TMOD2: variants seen among roughly 807,000 people sequenced by gnomAD.
The protein encoded by TMOD2 is tropomodulin-2.
In TMOD2, 22 loss-of-function variants were observed where a neutral mutation model predicts 39.9. The observed-to-expected ratio is 0.55, with a 90% confidence interval of 0.39 to 0.79. The LOEUF (loss-of-function observed/expected upper bound fraction) is 0.79, where lower values mean the gene tolerates loss of function less well. Ranked by LOEUF, TMOD2 falls within the 30% of genes least tolerant of loss-of-function variation. TMOD2 has a pLI of 0.00. For synonymous variants in TMOD2, 123 were observed against 146.1 expected (o/e 0.84, Z 1.14); for missense variants, 386 against 413.3 (o/e 0.93, Z 0.57).
rs896043986 is a variant in TMOD2, at chr15:51,811,399, T to G, written c.*2945T>G. ...TAACTTCTCCCCAGGCCTATCTCCC[T>G]CCCCCTTTTAGAGTTGTGCAGGTCC... On this transcript the variant is annotated 3_prime_UTR_variant, in exon 10 of 10. Transcript: ENST00000249700. The G allele has an allele frequency of 1.3e-5, 2 of 152,172 alleles. No homozygotes were observed. Among genetic ancestry groups the G allele is most frequent in the African/African-American group, 4.8e-5 (2 of 41,436 alleles). 9.4% of individuals were successfully genotyped at this position (152,172 alleles called of 1,614,324 possible). A position where few individuals can be genotyped will look rare whatever the true frequency, so the allele number is the denominator to read the frequency against.
Position 51,815,264 on chromosome 15 carries a change from AAAAAT to A in TMOD2, c.*6822_*6826del. 2 of 157,442 alleles carry A rather than the reference AAAAAT, an allele frequency of 1.3e-5. No individual in the cohort carries two copies. The highest frequency in any genetic ancestry group is 2.8e-5 in the Non-Finnish European group (2 of 72,240). 9.8% of individuals were successfully genotyped at this position (157,442 alleles called of 1,614,324 possible). ...GTGACAAGAACGAAACTCCATCTCAAAAAATAAAATAAAATATATACTATCTTGCT... is the reference window on the plus strand; with the variant it reads ...GTGACAAGAACGAAACTCCATCTCAAAAAATAAAATATATACTATCTTGCT... On this transcript the variant is annotated 3_prime_UTR_variant, in exon 10 of 10. Transcript: ENST00000249700.
chr15:51,775,570 C>CTTTTTTT lies in TMOD2; in HGVS notation c.407-1343_407-1337dup, dbSNP rs869308022. Reference sequence around the variant, plus strand: ...GAGACACAGTGACAAATTCTTTTTCCTTTTTTTTTTTTTTTTTTTTTTTTT... The same window carrying CTTTTTTT: ...GAGACACAGTGACAAATTCTTTTTCCTTTTTTTTTTTTTTTTTTTTTTTTTTTTTTTT... On this transcript the variant is annotated intron_variant, in intron 4 of 9. Transcript: ENST00000249700. Among the ~76,000 whole-genome samples, 450 of 81,206 alleles carry CTTTTTTT rather than the reference C, an allele frequency of 5.5e-3. 1 individual carries two copies. Among genetic ancestry groups the CTTTTTTT allele is most frequent in the African/African-American group, 8.5e-3 (164 of 19,224 alleles). 53.3% of individuals were successfully genotyped at this position (81,206 alleles called of 152,430 possible).
At chr15:51,754,891 G>A (rs956538500) in intron 1 of TMOD2, among the ~76,000 whole-genome samples, 1 of 152,186 alleles carries the variant, frequency 6.6e-6, no homozygotes, top group Non-Finnish European at 1.5e-5. Flanking sequence ...AGGGGCTATC[G>A]TTACATGGAA....
intron 1 of TMOD2, among the ~76,000 whole-genome samples, chr15:51,762,668 T>C (rs1003421170): frequency 4.0e-5 from 6 of 151,892 alleles, no homozygotes; most frequent in African/African-American, 1.2e-4. Flanking sequence ...CCCCAAAAGG[T>C]TCCCCATGCC....
At chr15:51,796,636 C>T (rs761387550) in intron 7 of TMOD2, among the ~76,000 whole-genome samples, 1 of 152,168 alleles carries the variant, frequency 6.6e-6, no homozygotes, top group African/African-American at 2.4e-5. Context: ...AAACTAGGCA[C>T]AGTAAGAGAT....
intron 7 of TMOD2, among the ~76,000 whole-genome samples, chr15:51,795,321 G>A (rs1567245352): frequency 6.6e-6 from 1 of 151,918 alleles, no homozygotes; most frequent in Non-Finnish European, 1.5e-5. Context: ...AGCAACTTGG[G>A]AGGCTGGGGC....
rs541216574 is a variant in TMOD2, at chr15:51,757,380, C to T, written c.-70+5668C>T. ...TCGCACCACTGCACTCCAGCCTGGG[C>T]GACACAGCCAGACTCCGTCTCAAAA... On this transcript the variant is annotated intron_variant, in intron 1 of 9. Transcript: ENST00000249700. 2.1e-3 allele frequency among the ~76,000 whole-genome samples: 262 copies of T among 122,438 alleles called. 1 individual carries two copies. The highest frequency in any genetic ancestry group is 1.9e-3 in the Non-Finnish European group (123 of 63,088). 80.3% of individuals were successfully genotyped at this position (122,438 alleles called of 152,430 possible).
At chr15:51,787,690 C>G (rs984083944) in intron 7 of TMOD2, among the ~76,000 whole-genome samples, 1 of 152,174 alleles carries the variant, frequency 6.6e-6, no homozygotes, top group African/African-American at 2.4e-5. Context: ...TCTTCTGCAG[C>G]CTCTGCTGGT....
chr15:51,765,421 A>T (rs906721160), intron 1 of TMOD2, among the ~76,000 whole-genome samples: 1 of 152,210 alleles, frequency 6.6e-6, no homozygotes, highest in African/African-American at 2.4e-5. Context: ...TATCTTGTTT[A>T]TCTTTGTATT....
At chr15:51,773,913 T>G in intron 4 of TMOD2, 79 bp downstream of exon 4, 1 of 1,481,956 alleles carries the variant, frequency 6.7e-7, no homozygotes, top group Non-Finnish European at 9.1e-7. Flanking sequence ...GCAGCAGGCT[T>G]TGAGCTTCTC....
chr15:51,799,667 A>G (rs1214067570), intron 8 of TMOD2, among the ~76,000 whole-genome samples: 2 of 152,220 alleles, frequency 1.3e-5, no homozygotes, highest in East Asian at 3.8e-4. Flanking sequence ...AGGAAGTTCG[A>G]TGCTGTGTAT....
chr15:51,753,512 T>C (rs1436094131), intron 1 of TMOD2, among the ~76,000 whole-genome samples: 1 of 151,900 alleles, frequency 6.6e-6, no homozygotes, highest in African/African-American at 2.4e-5. Flanking sequence ...GATACAATAG[T>C]GAATTGGGAT....
chr15:51,776,993 T>G lies in TMOD2; in HGVS notation c.468T>G (p.Asn156Lys). The G allele has an allele frequency of 6.2e-7, 1 of 1,613,856 alleles. No individual in the cohort carries two copies. ...NPKFDEETAN[N>K]KGGKGPVRNV... The stretch of plus-strand genomic sequence containing the variant: ...AGTTCGATGAAGAAACAGCCAACAA[T>G]AAAGGTGGCAAAGGACCTGTCAGAA... Residue 156 changes from asparagine (N) to lysine (K), a missense_variant, in exon 5 of 10, where the codon AAT becomes AAG. Physicochemically the swap from Asn to Lys is moderately conservative, Grantham distance 94 (BLOSUM62 0). Transcript: ENST00000249700.
chr15:51,789,404 A>G (rs2055993885), intron 7 of TMOD2, among the ~76,000 whole-genome samples: 2 of 152,178 alleles, frequency 1.3e-5, no homozygotes, highest in African/African-American at 4.8e-5. Context: ...CCCACACGAT[A>G]ATAATGGGAG....
At chr15:51,790,881 A>G (rs1297229540) in intron 7 of TMOD2, among the ~76,000 whole-genome samples, 1 of 152,216 alleles carries the variant, frequency 6.6e-6, no homozygotes, top group East Asian at 1.9e-4. Context: ...GTTCATGACA[A>G]ACCCACAGCC....
chr15:51,769,514 G>A (rs1387226292), intron 3 of TMOD2, among the ~76,000 whole-genome samples: 1 of 152,208 alleles, frequency 6.6e-6, no homozygotes, highest in East Asian at 1.9e-4. Flanking sequence ...GACAGAGCTA[G>A]GAAGGCTGTG....
chr15:51,754,823 A>G (rs1212209931), intron 1 of TMOD2, among the ~76,000 whole-genome samples: 3 of 152,190 alleles, frequency 2.0e-5, no homozygotes, highest in Non-Finnish European at 4.4e-5. Context: ...TGTCCATAGG[A>G]TGTGATATGT....
chr15:51,773,614 T>C, intron 3 of TMOD2, 98 bp from the exon 4 acceptor site: 1 of 1,250,548 alleles, frequency 8.0e-7, no homozygotes, highest in Non-Finnish European at 1.1e-6. Flanking sequence ...CTTAATTATA[T>C]GGGTCTCAAT....
Position 51,806,644 on chromosome 15 carries a change from A to G in TMOD2, c.1021+123A>G, listed in dbSNP as rs951861432. 3.2e-5 allele frequency: 34 copies of G among 1,069,554 alleles called. 1 individual carries two copies. In the East Asian group the frequency reaches 7.1e-4, roughly 22 times the overall value. 66.3% of individuals were successfully genotyped at this position (1,069,554 alleles called of 1,614,324 possible). Reference sequence around the variant, plus strand: ...CCTCTGATGTCACTCACTTCTTCATATAAGACGCATTATTATAATACATGG... The same window carrying G: ...CCTCTGATGTCACTCACTTCTTCATGTAAGACGCATTATTATAATACATGG... On this transcript the variant is annotated intron_variant, in intron 9 of 9. Transcript: ENST00000249700.
Sources: allele counts gnomAD v4.1 joint callset (sites outside exome capture counted in the v4.1 genomes callset), GRCh38; gene constraint gnomAD v4.1.1; transcripts MANE v1.5; gene names NCBI Gene and HGNC (gene_info 2026-07-23, HGNC 2026-07-21).